PRKCA: variants seen among roughly 807,000 people sequenced by gnomAD.
PRKCA encodes the protein protein kinase C alpha, also known as protein kinase C alpha type.
In PRKCA, 27 loss-of-function variants were observed where a neutral mutation model predicts 87.0. The ratio of observed to expected loss-of-function variants is 0.31; its 90% CI spans 0.23 to 0.43. The LOEUF (loss-of-function observed/expected upper bound fraction) is 0.43. Among genes scored for constraint, PRKCA ranks in the 20% least tolerant of loss-of-function variants. PRKCA has a pLI of 1.00. For synonymous variants in PRKCA, 329 were observed against 311.1 expected, an observed-to-expected ratio of 1.06 and a Z score of -0.61; for missense variants, 518 against 852.3, an observed-to-expected ratio of 0.61 and a Z score of 4.88.
chr17:66,372,553 G>A (rs1284095279), intron 2 of PRKCA, among the ~76,000 whole-genome samples: 2 of 152,126 alleles, frequency 1.3e-5, no homozygotes, highest in African/African-American at 2.4e-5. Flanking sequence ...TGTGTTATGT[G>A]TATTCTTTAT....
At chr17:66,745,453 G>A (rs1487520492) in intron 13 of PRKCA, among the ~76,000 whole-genome samples, 1 of 151,716 alleles carries the variant, frequency 6.6e-6, no homozygotes, top group Non-Finnish European at 1.5e-5. Context: ...GGCCAAGGCA[G>A]GTGGATCAAT....
At chr17:66,645,301 C>T (rs1321214539) in intron 4 of PRKCA, 82 bp from the exon 5 acceptor site, 2 of 1,590,888 alleles carry the variant, frequency 1.3e-6, no homozygotes, top group African/African-American at 1.3e-5. Flanking sequence ...CTCATTTTCA[C>T]TTGTGCTCAT....
chr17:66,624,984 C>T (rs558246303), intron 3 of PRKCA, among the ~76,000 whole-genome samples: 3 of 152,260 alleles, frequency 2.0e-5, no homozygotes, highest in East Asian at 3.9e-4. Flanking sequence ...ATACTTCCCT[C>T]ATTGCAGAAG....
intron 8 of PRKCA, among the ~76,000 whole-genome samples, chr17:66,719,630 G>A (rs966191946): frequency 1.3e-5 from 2 of 152,188 alleles, no homozygotes; most frequent in African/African-American, 2.4e-5. Flanking sequence ...AGCCAGGCAT[G>A]GTGACATGTT....
chr17:66,652,252 C>T (rs577048861), intron 5 of PRKCA, among the ~76,000 whole-genome samples: 2 of 152,294 alleles, frequency 1.3e-5, no homozygotes, highest in South Asian at 4.1e-4. Context: ...AGCCACCGTG[C>T]CTGGCCAACC....
At chr17:66,377,659 A>T in intron 2 of PRKCA, among the ~76,000 whole-genome samples, 1 of 137,122 alleles carries the variant, frequency 7.3e-6, no homozygotes, top group South Asian at 2.2e-4. Flanking sequence ...TGTCTATATT[A>T]TATATATAAA....
rs1462121188 is a variant in PRKCA at position 66,689,096 on chromosome 17, C to T, written c.918+49C>T. 6 of 1,242,318 alleles carry T rather than the reference C, an allele frequency of 4.8e-6. No individual in the cohort carries two copies. Among genetic ancestry groups the T allele is most frequent in the South Asian group, 1.4e-5 (1 of 71,658 alleles). 77.0% of individuals were successfully genotyped at this position (1,242,318 alleles called of 1,614,324 possible). On this transcript the variant is annotated intron_variant, in intron 8 of 16. Transcript: ENST00000413366. This position sits in a 1 kb window ranked among gnomAD's most constrained non-coding sequence, Gnocchi z 4.1. Reference sequence around the variant, plus strand: ...AACACCTTTCCTTTAGAAAGCCCAACTTCAGGAACGGCCGAGATGTTGTGG... The same window carrying T: ...AACACCTTTCCTTTAGAAAGCCCAATTTCAGGAACGGCCGAGATGTTGTGG...
chr17:66,546,666 G>A (rs1330321876), intron 3 of PRKCA, among the ~76,000 whole-genome samples: 2 of 152,056 alleles, frequency 1.3e-5, no homozygotes, highest in Non-Finnish European at 2.9e-5. Flanking sequence ...TCCAATATTG[G>A]CCTCATGTTA....
At chr17:66,305,821 GAAATTTTAGT>G (rs1185135315) in intron 1 of PRKCA, among the ~76,000 whole-genome samples, 1 of 152,084 alleles carries the variant, frequency 6.6e-6, no homozygotes, top group African/African-American at 2.4e-5. Flanking sequence ...TTCTTGTCTT[GAAATTTTAGT>G]ATTGATAACA....
chr17:66,644,630 TTAAA>T (rs1478717858), intron 4 of PRKCA, among the ~76,000 whole-genome samples: 1 of 152,170 alleles, frequency 6.6e-6, no homozygotes, highest in Non-Finnish European at 1.5e-5. Context: ...GGAATGGTAT[TTAAA>T]TATTTGAAGA....
intron 3 of PRKCA, among the ~76,000 whole-genome samples, chr17:66,553,216 A>C (rs1004614169): frequency 3.3e-5 from 5 of 152,218 alleles, no homozygotes; most frequent in Admixed American, 3.3e-4. Flanking sequence ...TCCTGAGCTC[A>C]AGCGATCCAC....
intron 8 of PRKCA, among the ~76,000 whole-genome samples, chr17:66,724,830 T>C (rs948989479): frequency 6.6e-6 from 1 of 152,238 alleles, no homozygotes; most frequent in Admixed American, 6.5e-5. Flanking sequence ...GTCTGAATTA[T>C]AGTCATGACA....
At chr17:66,557,703 A>C (rs1252321402) in intron 3 of PRKCA, among the ~76,000 whole-genome samples, 1 of 152,190 alleles carries the variant, frequency 6.6e-6, no homozygotes, top group African/African-American at 2.4e-5. Flanking sequence ...GGTTTTCTTC[A>C]GCAATACTAT....
intron 2 of PRKCA, among the ~76,000 whole-genome samples, chr17:66,342,107 A>T (rs556446603): frequency 1.3e-5 from 2 of 152,256 alleles, no homozygotes; most frequent in African/African-American, 4.8e-5. Context: ...CTTTTGAGGG[A>T]GTGTTGAAGT....
rs1277012764 is a variant in PRKCA, at chr17:66,742,649, G to A, written c.1413G>A (p.Leu471=). ...YRDLKLDNVM[L]DSEGHIKIAD... The stretch of plus-strand genomic sequence containing the variant: ...ATCTGAAGTTAGATAACGTCATGTT[G>A]GATTCAGAAGGACATATCAAAATTG... The change falls in exon 13 of 17, where the codon TTG becomes TTA. Residue 471 remains leucine, a synonymous_variant. Transcript: ENST00000413366. 11 of 1,614,138 alleles carry A rather than the reference G, an allele frequency of 6.8e-6. No homozygotes were observed. The highest frequency in any genetic ancestry group is 9.3e-6 in the Non-Finnish European group (11 of 1,180,020).
chr17:66,620,426 A>T (rs1303282543), intron 3 of PRKCA, among the ~76,000 whole-genome samples: 4 of 152,226 alleles, frequency 2.6e-5, no homozygotes, highest in Non-Finnish European at 5.9e-5. Context: ...CACCTATAAC[A>T]GGAAAATGCA....
chr17:66,655,257 T>C (rs970351431), intron 5 of PRKCA, among the ~76,000 whole-genome samples: 1 of 152,240 alleles, frequency 6.6e-6, no homozygotes. Context: ...TGGGCATTCC[T>C]AAACATCAGT....
intron 2 of PRKCA, among the ~76,000 whole-genome samples, chr17:66,328,556 G>T (rs1285943048): frequency 1.3e-5 from 2 of 152,146 alleles, no homozygotes; most frequent in Non-Finnish European, 2.9e-5. Context: ...CCAGCACTTT[G>T]GGAGGCTGAA....
At position 66,350,804 on chromosome 17, in the gene PRKCA, C is replaced by T. The variant is rs78453320; in HGVS notation, c.205+44677C>T. 9.7e-3 allele frequency among the ~76,000 whole-genome samples: 1,475 copies of T among 152,244 alleles called. 17 individuals are homozygous for T. Among genetic ancestry groups the T allele is most frequent in the African/African-American group, 0.032 (1,334 of 41,530 alleles). Reference sequence around the variant, plus strand: ...CCTCCCAAACTGCTGGGATTACAGACGTGAGGCACCGTGACTAGCCTGGGA... The same window carrying T: ...CCTCCCAAACTGCTGGGATTACAGATGTGAGGCACCGTGACTAGCCTGGGA... On this transcript the variant is annotated intron_variant, in intron 2 of 16. Transcript: ENST00000413366.
Sources: gnomAD v4.1 joint callset for allele counts (sites outside exome capture counted in the v4.1 genomes callset) on GRCh38, gnomAD v4.1.1 for gene constraint, Gnocchi (gnomAD v3.1) non-coding constraint, MANE v1.5 for transcripts, NCBI Gene and HGNC (gene_info 2026-07-23, HGNC 2026-07-21) for gene names.